The following KLC1 variants were observed in gnomAD, a reference collection of about 807,000 sequenced individuals.
KLC1 encodes the protein kinesin 2 60/70kDa.
Under a neutral mutation model 84.2 loss-of-function variants are expected in KLC1, and 30 were observed. The ratio of observed to expected loss-of-function variants is 0.36; its 90% CI spans 0.27 to 0.48. KLC1 has a LOEUF of 0.48. Ranked by LOEUF, KLC1 falls within the 20% of genes least tolerant of loss-of-function variation. The probability of loss-of-function intolerance (pLI) is 0.99; values close to 1 mark genes in which losing one functional copy is unlikely to be tolerated. For synonymous variants in KLC1, 289 were observed against 293.3 expected (o/e 0.99, Z 0.15); for missense variants, 499 against 805.4 (o/e 0.62, Z 4.60).
At chr14:103,649,562 CA>C (rs35297746) in intron 1 of KLC1, among the ~76,000 whole-genome samples, 27,154 of 75,840 alleles carry the variant, frequency 0.36, 1,332 homozygotes, top group Non-Finnish European at 0.4. Flanking sequence ...GACCTCATCT[CA>C]AAAAAAAAAA....
rs147297456 is a variant in KLC1 at position 103,641,448 on chromosome 14, C to T, written c.-2+11954C>T. Among the ~76,000 whole-genome samples, 86 of 152,292 alleles carry T rather than the reference C, an allele frequency of 5.6e-4. 1 individual carries two copies. The East Asian group carries it at 0.016, about 28-fold the overall frequency. On this transcript the variant is annotated intron_variant, in intron 1 of 16. Transcript: ENST00000334553. ...AGTGACTCACGAACAACACAAGCCA[C>T]AGTCCTGGAGGCTGGAAGTCTGGGA... is the stretch of plus-strand genomic sequence containing the variant.
At chr14:103,638,052 A>T (rs1013336942) in intron 1 of KLC1, among the ~76,000 whole-genome samples, 1 of 151,698 alleles carries the variant, frequency 6.6e-6, no homozygotes, top group Non-Finnish European at 1.5e-5. Flanking sequence ...TGGTCCCTTC[A>T]CCTCAGGACC....
chr14:103,670,450 C>T (rs1400945988), intron 7 of KLC1, among the ~76,000 whole-genome samples, 167 bp downstream of exon 7: 4 of 151,226 alleles, frequency 2.6e-5, no homozygotes, highest in African/African-American at 7.3e-5. Flanking sequence ...GATTCTTCTG[C>T]CTCGGCCTTC....
chr14:103,676,091 T>C (rs1329234081), intron 11 of KLC1, among the ~76,000 whole-genome samples: 4 of 152,138 alleles, frequency 2.6e-5, no homozygotes, highest in African/African-American at 9.7e-5. Flanking sequence ...GAGACACAGA[T>C]CCACACACAC....
chr14:103,652,324 C>T (rs1320665921), intron 1 of KLC1, among the ~76,000 whole-genome samples: 3 of 151,968 alleles, frequency 2.0e-5, no homozygotes, highest in East Asian at 1.9e-4. Flanking sequence ...AGTGCCAGGC[C>T]GGGGATATAT....
At position 103,679,542 on chromosome 14, in the gene KLC1, C is replaced by T. The variant is rs773878867; in HGVS notation, c.1647C>T (p.Asn549=). The change falls in exon 13 of 17, where the codon AAC becomes AAT. Residue 549 remains asparagine, a synonymous_variant. Transcript: ENST00000334553. ...AAGTGAGTATGAGCGTAGAGTGGAA[C>T]GGGGTAAGTACAGTACACAGCGGGC... ...GEEVSMSVEW[N]GDGTGSLKRS... The T allele has an allele frequency of 5.1e-5, 83 of 1,612,986 alleles. No individual in the cohort carries two copies. The highest frequency in any genetic ancestry group is 3.6e-4 in the East Asian group (16 of 44,896).
chr14:103,687,103 G>A lies in KLC1; in HGVS notation c.1673G>A (p.Arg558His), dbSNP rs756071112. Residue 558 changes from arginine to histidine, a missense_variant, in exon 14 of 17, where the codon CGC becomes CAC. Around this residue, in one of 3 missense-constraint regions of KLC1, gnomAD observed 167 missense variants for 208.8 expected, o/e 0.80. Transcript: ENST00000334553. ...WNGDGTGSLK[R>H]SGSFSKLRAS... ...CAGGATGGCACTGGATCTTTAAAAC[G>A]CAGTGGTTCCTTTAGCAAACTCCGG... 28 of 1,543,128 alleles carry A rather than the reference G, an allele frequency of 1.8e-5. No homozygotes were observed. The highest frequency in any genetic ancestry group is 2.3e-5 in the Non-Finnish European group (26 of 1,140,594).
At chr14:103,675,872 A>T in intron 11 of KLC1, 116 bp downstream of exon 11, 1 of 785,722 alleles carries the variant, frequency 1.3e-6, no homozygotes, top group Non-Finnish European at 2.1e-6. Context: ...GCACAGTCCC[A>T]TGTTTTTCCC....
intron 6 of KLC1, 85 bp downstream of exon 6, chr14:103,669,683 C>A: frequency 3.1e-6 from 3 of 965,740 alleles, no homozygotes; most frequent in South Asian, 2.7e-5. Context: ...CCATTAAACT[C>A]AACAGGGAAA....
intron 5 of KLC1, among the ~76,000 whole-genome samples, chr14:103,667,073 C>G (rs1002822454): frequency 6.6e-6 from 1 of 152,096 alleles, no homozygotes; most frequent in Non-Finnish European, 1.5e-5. Context: ...GCCACCATGT[C>G]CGGCCTCATT....
chr14:103,643,381 A>G (rs1027772530), intron 1 of KLC1, among the ~76,000 whole-genome samples: 2 of 152,178 alleles, frequency 1.3e-5, no homozygotes, highest in African/African-American at 2.4e-5. Context: ...TGCAAATGCT[A>G]CCTGAGCCAG....
intron 1 of KLC1, among the ~76,000 whole-genome samples, chr14:103,634,615 T>TG (rs1388500994): frequency 6.6e-6 from 1 of 152,110 alleles, no homozygotes; most frequent in Non-Finnish European, 1.5e-5. Context: ...GAGAGGGTCC[T>TG]GGGAAACCAA....
At position 103,694,306 on chromosome 14, in the gene KLC1, C is replaced by T. The variant is rs1395998715; in HGVS notation, c.1848+1881C>T. Reference sequence around the variant, plus strand: ...TAACTCTGTTGCCCAGGCTGGAGCGCAGTGGCCCAATCTCGGCCCACTGCA... The same window carrying T: ...TAACTCTGTTGCCCAGGCTGGAGCGTAGTGGCCCAATCTCGGCCCACTGCA... On this transcript the variant is annotated intron_variant, in intron 15 of 16. Transcript: ENST00000334553. This position sits in a 1 kb window ranked among gnomAD's most constrained non-coding sequence, Gnocchi z 4.5. 1 of 963,712 alleles carries T rather than the reference C, an allele frequency of 1.0e-6. No individual in the cohort carries two copies. 59.7% of individuals were successfully genotyped at this position (963,712 alleles called of 1,614,324 possible).
intron 1 of KLC1, among the ~76,000 whole-genome samples, chr14:103,644,702 T>G (rs2077766031): frequency 1.3e-5 from 2 of 152,154 alleles, no homozygotes; most frequent in African/African-American, 2.4e-5. Flanking sequence ...GAGACCATTC[T>G]GGGCAACATA....
At chr14:103,658,439 T>G (rs1405312454) in intron 3 of KLC1, among the ~76,000 whole-genome samples, 3 of 144,160 alleles carry the variant, frequency 2.1e-5, no homozygotes, top group Non-Finnish European at 4.6e-5. Flanking sequence ...TTTTTTTTTT[T>G]TTTTTTTTTT....
chr14:103,649,562 CAAA>C (rs35297746), intron 1 of KLC1, among the ~76,000 whole-genome samples: 7 of 75,766 alleles, frequency 9.2e-5, no homozygotes, highest in African/African-American at 1.7e-4. Context: ...GACCTCATCT[CAAA>C]AAAAAAAAAA....
At chr14:103,637,579 TG>T (rs1216079732) in intron 1 of KLC1, among the ~76,000 whole-genome samples, 1 of 152,148 alleles carries the variant, frequency 6.6e-6, no homozygotes, top group Non-Finnish European at 1.5e-5. Flanking sequence ...TTTTATTTTT[TG>T]TTGTTGCCTA....
chr14:103,673,536 T>C, intron 9 of KLC1, 105 bp downstream of exon 9: 1 of 691,098 alleles, frequency 1.4e-6, no homozygotes, highest in Non-Finnish European at 2.4e-6. Flanking sequence ...CTTAACTTTG[T>C]ACATCACTAA....
intron 7 of KLC1, among the ~76,000 whole-genome samples, chr14:103,670,503 A>G (rs1452813396): frequency 6.6e-6 from 1 of 151,360 alleles, no homozygotes; most frequent in Non-Finnish European, 1.5e-5. Context: ...CGTCCACCTA[A>G]TTTTTGTATT....
Sources: gnomAD v4.1 joint callset for allele counts (sites outside exome capture counted in the v4.1 genomes callset) on GRCh38, gnomAD v4.1.1 for gene constraint, gnomAD v4.1.1 regional missense constraint, Gnocchi (gnomAD v3.1) non-coding constraint, MANE v1.5 for transcripts, NCBI Gene and HGNC (gene_info 2026-07-23, HGNC 2026-07-21) for gene names.